Variants in PDE4B observed in about 807,000 individuals in gnomAD.
PDE4B encodes the protein phosphodiesterase 4B.
PDE4B carries 20 observed loss-of-function variants against 82.2 expected under a neutral mutation model. That is an observed-to-expected ratio of 0.24 (90% CI 0.17 to 0.35). PDE4B has a LOEUF of 0.35. PDE4B is among the 10% of genes least tolerant of loss of function. PDE4B has a pLI of 1.00. For missense variants in PDE4B, 655 were observed against 907.2 expected (o/e 0.72, Z 3.57); for synonymous variants, 320 against 318.9 (o/e 1.00, Z -0.04).
At chr1:66,233,154 C>A (rs1041930000) in intron 3 of PDE4B, among the ~76,000 whole-genome samples, 1 of 152,162 alleles carries the variant, frequency 6.6e-6, no homozygotes, top group Admixed American at 6.5e-5. Context: ...CCTTTCCCCC[C>A]AGGAAACTAC....
chr1:65,885,316 A>C (rs1474975105), intron 1 of PDE4B, among the ~76,000 whole-genome samples: 1 of 152,234 alleles, frequency 6.6e-6, no homozygotes, highest in African/African-American at 2.4e-5. Context: ...TTCCTCAAGT[A>C]TCTAGAACTA....
intron 3 of PDE4B, among the ~76,000 whole-genome samples, chr1:66,028,688 AAATCATCCT>A (rs2100790557): frequency 6.6e-6 from 1 of 152,258 alleles, no homozygotes; most frequent in East Asian, 1.9e-4. Context: ...CAGATACCCT[AAATCATCCT>A]TTTTAGGTTC....
chr1:65,856,282 G>A (rs1030939390), intron 1 of PDE4B, among the ~76,000 whole-genome samples: 2 of 151,968 alleles, frequency 1.3e-5, no homozygotes, highest in African/African-American at 4.8e-5. Flanking sequence ...GGTGGTTTGC[G>A]GCACCCATGA....
intron 1 of PDE4B, among the ~76,000 whole-genome samples, chr1:65,902,756 A>G (rs2100426141): frequency 6.6e-6 from 1 of 152,340 alleles, no homozygotes; most frequent in South Asian, 2.1e-4. Flanking sequence ...TAAATGCCCA[A>G]GTACATGACT....
intron 1 of PDE4B, among the ~76,000 whole-genome samples, chr1:65,907,429 A>G (rs1356318571): frequency 1.3e-5 from 2 of 152,094 alleles, no homozygotes; most frequent in Non-Finnish European, 2.9e-5. Flanking sequence ...CAATCCCTTT[A>G]TTTGACAATT....
At chr1:66,062,500 A>T (rs2100900495) in intron 3 of PDE4B, among the ~76,000 whole-genome samples, 2 of 152,180 alleles carry the variant, frequency 1.3e-5, no homozygotes, top group East Asian at 3.9e-4. Flanking sequence ...AGAAGAAAAA[A>T]TGTTGAAGGA....
intron 3 of PDE4B, among the ~76,000 whole-genome samples, chr1:66,033,392 TG>T (rs1653897033): frequency 6.6e-6 from 1 of 152,202 alleles, no homozygotes; most frequent in African/African-American, 2.4e-5. Flanking sequence ...CCCTGCCATG[TG>T]TTGCCTGGCT....
At chr1:65,959,876 T>C (rs143329896) in intron 3 of PDE4B, among the ~76,000 whole-genome samples, 35 of 152,216 alleles carry the variant, frequency 2.3e-4, no homozygotes, top group Middle Eastern at 6.8e-3. Flanking sequence ...ACATATATGA[T>C]TATTATTATT....
chr1:66,043,684 A>G (rs1161669164), intron 3 of PDE4B, among the ~76,000 whole-genome samples: 1 of 151,764 alleles, frequency 6.6e-6, no homozygotes, highest in African/African-American at 2.4e-5. Flanking sequence ...TTCTAATGGC[A>G]GTGAGAGGAG....
At chr1:65,881,263 T>A (rs1646705080) in intron 1 of PDE4B, among the ~76,000 whole-genome samples, 1 of 152,194 alleles carries the variant, frequency 6.6e-6, no homozygotes, top group Admixed American at 6.5e-5. Flanking sequence ...TTTCCCTTAG[T>A]CATTTTCCCT....
intron 1 of PDE4B, among the ~76,000 whole-genome samples, chr1:65,847,966 A>G (rs747713459): frequency 1.9e-4 from 29 of 151,850 alleles, no homozygotes; most frequent in South Asian, 4.1e-4. Context: ...ACATTTGGAA[A>G]CTCAGCTTTA....
At chr1:65,816,001 G>A (rs943732551) in intron 1 of PDE4B, among the ~76,000 whole-genome samples, 3 of 151,970 alleles carry the variant, frequency 2.0e-5, no homozygotes, top group African/African-American at 2.4e-5. Context: ...TGCTTGGCTC[G>A]GCTCTTTCTC....
chr1:66,075,942 A>G (rs1017812398), intron 3 of PDE4B, among the ~76,000 whole-genome samples: 1 of 151,324 alleles, frequency 6.6e-6, no homozygotes, highest in Non-Finnish European at 1.5e-5. Context: ...ACAAAACACC[A>G]TGGGCCAAGC....
At chr1:65,855,224 G>A (rs993990622) in intron 1 of PDE4B, among the ~76,000 whole-genome samples, 5 of 151,330 alleles carry the variant, frequency 3.3e-5, no homozygotes, top group Non-Finnish European at 7.4e-5. Flanking sequence ...TTTTCCCTGG[G>A]TAACATATTT....
intron 7 of PDE4B, among the ~76,000 whole-genome samples, chr1:66,298,664 C>T (rs1028787684): frequency 6.6e-6 from 1 of 152,098 alleles, no homozygotes; most frequent in Non-Finnish European, 1.5e-5. Flanking sequence ...TCCTGTTAAA[C>T]CCATTATGTG....
At position 66,142,438 on chromosome 1, in the gene PDE4B, A is replaced by T. The variant is rs1247209905; in HGVS notation, c.282-105022A>T. Among the ~76,000 whole-genome samples, 3 of 152,226 alleles carry T rather than the reference A, an allele frequency of 2.0e-5. No individual in the cohort carries two copies. The East Asian group carries it at 5.8e-4, about 29-fold the overall frequency. On this transcript the variant is annotated intron_variant, in intron 3 of 16. Transcript: ENST00000341517. The stretch of plus-strand genomic sequence containing the variant: ...GAATTCAGTATGCAAATATTTTCTA[A>T]TAAAGAAAATCATAGGAGGAAGTTG...
chr1:65,924,077 A>ATTTTTTTTTTATTTTTTTTTTTTTTTTTT (rs1647358663), intron 3 of PDE4B, among the ~76,000 whole-genome samples: 1 of 40,774 alleles, frequency 2.5e-5, no homozygotes, highest in Non-Finnish European at 5.2e-5. Flanking sequence ...CAGTTTGCTA[A>ATTTTTTTTTTATTTTTTTTTTTTTTTTTT]TTTTTTTTTT....
At chr1:66,267,428 A>C (rs1314955536) in intron 7 of PDE4B, 1 of 152,258 alleles carries the variant, frequency 6.6e-6, no homozygotes, top group East Asian at 1.9e-4. Context: ...AATGTTGCTC[A>C]CATTTCTGTT....
chr1:66,236,430 GA>G lies in PDE4B; in HGVS notation c.282-11022del, dbSNP rs573856116. Among the ~76,000 whole-genome samples, 55 of 151,776 alleles carry G rather than the reference GA, an allele frequency of 3.6e-4. 1 individual carries two copies. Among genetic ancestry groups the G allele is most frequent in the East Asian group, 1.4e-3 (7 of 5,182 alleles). ...TCTTTTAAAGAGATTTTAATAAGAA[GA>G]AAAAAAATGTTTATTCCTTTGTATA... On this transcript the variant is annotated intron_variant, in intron 3 of 16. Coordinates refer to ENST00000341517, the MANE Select transcript of PDE4B (RefSeq NM_002600.4).
Sources: gnomAD v4.1 joint callset for allele counts (sites outside exome capture counted in the v4.1 genomes callset) on GRCh38, gnomAD v4.1.1 for gene constraint, MANE v1.5 for transcripts, NCBI Gene and HGNC (gene_info 2026-07-23, HGNC 2026-07-21) for gene names.